WWOX: variants seen among roughly 807,000 people sequenced by gnomAD.
WWOX encodes WW domain-containing oxidoreductase.
In WWOX, 69 loss-of-function variants were observed where a neutral mutation model predicts 46.2. The ratio of observed to expected loss-of-function variants is 1.49; its 90% CI spans 1.23 to 1.82. The LOEUF (loss-of-function observed/expected upper bound fraction) is 1.82, where lower values mean the gene tolerates loss of function less well. Ranked by LOEUF, WWOX falls within the 40% of genes most tolerant of loss-of-function variation. WWOX has a pLI of 0.00. For synonymous variants in WWOX, 359 were observed against 202.6 expected (o/e 1.77, Z -6.56); for missense variants, 919 against 542.6 (o/e 1.69, Z -6.89).
chr16:78,279,220 G>C (rs2079634125), intron 5 of WWOX, among the ~76,000 whole-genome samples: 2 of 152,190 alleles, frequency 1.3e-5, no homozygotes, highest in African/African-American at 4.8e-5. Context: ...AGAACAGAGA[G>C]ATTGTGTTGT....
intron 5 of WWOX, among the ~76,000 whole-genome samples, chr16:78,234,711 GT>G (rs1019569733): frequency 6.6e-6 from 1 of 151,810 alleles, no homozygotes; most frequent in African/African-American, 2.4e-5. Flanking sequence ...TTCACTTTCT[GT>G]TGGACTGCTT....
chr16:78,855,695 G>A (rs1023081895), intron 8 of WWOX, among the ~76,000 whole-genome samples: 3 of 152,182 alleles, frequency 2.0e-5, no homozygotes, highest in Admixed American at 6.5e-5. Flanking sequence ...AAGGTTTAAG[G>A]TTGTTTTTGT....
intron 8 of WWOX, among the ~76,000 whole-genome samples, chr16:79,160,656 C>G (rs933709354): frequency 3.9e-5 from 6 of 152,146 alleles, no homozygotes; most frequent in Non-Finnish European, 8.8e-5. Context: ...GCAGCCCACA[C>G]TCGGCTCACT....
chr16:79,015,409 A>G (rs1374975129), intron 8 of WWOX, among the ~76,000 whole-genome samples: 3 of 152,222 alleles, frequency 2.0e-5, no homozygotes, highest in Admixed American at 6.5e-5. Flanking sequence ...GCAAAATAGT[A>G]ACAATATTTT....
At chr16:79,011,348 A>G (rs2047303361) in intron 8 of WWOX, among the ~76,000 whole-genome samples, 1 of 151,886 alleles carries the variant, frequency 6.6e-6, no homozygotes, top group South Asian at 2.1e-4. Context: ...TCAAATTTTC[A>G]TGTCTCCAAT....
intron 8 of WWOX, among the ~76,000 whole-genome samples, chr16:79,094,021 A>T (rs1235959240): frequency 1.3e-5 from 2 of 152,180 alleles, no homozygotes; most frequent in Non-Finnish European, 2.9e-5. Context: ...TGAATGAATG[A>T]ATGTCCATGG....
intron 8 of WWOX, among the ~76,000 whole-genome samples, chr16:78,814,001 C>T (rs1164192286): frequency 6.6e-6 from 1 of 152,178 alleles, no homozygotes; most frequent in Non-Finnish European, 1.5e-5. Context: ...TGGTTTAAGG[C>T]AACTGCTGTT....
At chr16:79,126,769 C>G (rs1440020599) in intron 8 of WWOX, among the ~76,000 whole-genome samples, 1 of 152,106 alleles carries the variant, frequency 6.6e-6, no homozygotes, top group Non-Finnish European at 1.5e-5. Context: ...AATTTAGACT[C>G]CAGCCTACAT....
At chr16:78,229,657 C>T (rs1407751801) in intron 5 of WWOX, among the ~76,000 whole-genome samples, 1 of 151,856 alleles carries the variant, frequency 6.6e-6, no homozygotes, top group Non-Finnish European at 1.5e-5. Context: ...ACAGTCTGTA[C>T]TTCTTGTTTT....
intron 4 of WWOX, among the ~76,000 whole-genome samples, chr16:78,147,581 C>A (rs12930571): frequency 0.19 from 29,015 of 151,046 alleles, 2,714 homozygotes; most frequent in East Asian, 0.22. Context: ...AGCATAAAGA[C>A]TTTAGTCTTT....
chr16:78,394,817 C>T (rs545151874), intron 6 of WWOX, among the ~76,000 whole-genome samples: 25 of 152,282 alleles, frequency 1.6e-4, no homozygotes, highest in African/African-American at 4.8e-4. Context: ...GTATGCTACC[C>T]CTGGGCAACA....
At chr16:78,850,047 G>C (rs2052402691) in intron 8 of WWOX, among the ~76,000 whole-genome samples, 1 of 151,884 alleles carries the variant, frequency 6.6e-6, no homozygotes, top group Non-Finnish European at 1.5e-5. Context: ...ACTCCAGCCT[G>C]GGCAACAAGA....
At chr16:78,748,326 T>G (rs1249079439) in intron 8 of WWOX, among the ~76,000 whole-genome samples, 6 of 152,232 alleles carry the variant, frequency 3.9e-5, no homozygotes, top group Admixed American at 2.0e-4. Flanking sequence ...ATGCAAATAA[T>G]TACTGTTACC....
intron 8 of WWOX, among the ~76,000 whole-genome samples, chr16:78,544,980 C>T (rs975595891): frequency 6.6e-6 from 1 of 152,030 alleles, no homozygotes; most frequent in African/African-American, 2.4e-5. Context: ...AGTTAAAGAC[C>T]AGCCTGGGCA....
intron 5 of WWOX, among the ~76,000 whole-genome samples, chr16:78,364,749 T>C (rs1415252026): frequency 1.3e-5 from 2 of 152,222 alleles, no homozygotes; most frequent in Non-Finnish European, 2.9e-5. Context: ...GAAGGATTAA[T>C]GTGCTACCCT....
intron 8 of WWOX, among the ~76,000 whole-genome samples, chr16:78,734,743 C>G (rs888673073): frequency 2.7e-5 from 4 of 148,772 alleles, no homozygotes; most frequent in African/African-American, 9.8e-5. Context: ...AGTGCCTGAG[C>G]TTCGTCTCAT....
chr16:78,448,291 A>G (rs2083608884), intron 8 of WWOX, among the ~76,000 whole-genome samples: 2 of 152,218 alleles, frequency 1.3e-5, no homozygotes, highest in East Asian at 3.8e-4. Context: ...AAAAGGCAGA[A>G]ATTAATAAAA....
At chr16:79,103,847 T>C (rs2049251634) in intron 8 of WWOX, among the ~76,000 whole-genome samples, 1 of 152,156 alleles carries the variant, frequency 6.6e-6, no homozygotes, top group African/African-American at 2.4e-5. Context: ...TGCACGTTTC[T>C]ACACATCTGC....
At chr16:78,275,899 G>T (rs775407987) in intron 5 of WWOX, among the ~76,000 whole-genome samples, 1 of 151,966 alleles carries the variant, frequency 6.6e-6, no homozygotes, top group Non-Finnish European at 1.5e-5. Flanking sequence ...GCCTCTTGTC[G>T]AGGAGTGCAC....
Sources: allele counts gnomAD v4.1 joint callset (sites outside exome capture counted in the v4.1 genomes callset), GRCh38; gene constraint gnomAD v4.1.1; transcripts MANE v1.5; gene names NCBI Gene and HGNC (gene_info 2026-07-23, HGNC 2026-07-21).